PCDH15: variants seen among roughly 807,000 people sequenced by gnomAD.
The protein encoded by PCDH15 is protocadherin related 15.
A neutral mutation model predicts 178.5 loss-of-function variants in PCDH15; 129 were observed. The observed-to-expected ratio is 0.72, with a 90% confidence interval of 0.63 to 0.84. The LOEUF (loss-of-function observed/expected upper bound fraction) is 0.84, where lower values mean the gene tolerates loss of function less well. Among genes scored for constraint, PCDH15 ranks in the 40% least tolerant of loss-of-function variants. The probability of loss-of-function intolerance (pLI) is 0.00; values close to 1 mark genes in which losing one functional copy is unlikely to be tolerated. For missense variants in PCDH15, 2,230 were observed against 2,099.9 expected (o/e 1.06, Z -1.21); for synonymous variants, 800 against 732.0 (o/e 1.09, Z -1.50).
chr10:53,821,427 A>C (rs957413629), intron 32 of PCDH15: 11 of 1,004,732 alleles, frequency 1.1e-5, no homozygotes, highest in Non-Finnish European at 1.3e-5. Flanking sequence ...AGAACCTATC[A>C]ATCATATCAG....
At chr10:53,924,509 C>A (rs1247588630) in intron 25 of PCDH15, among the ~76,000 whole-genome samples, 1 of 127,360 alleles carries the variant, frequency 7.9e-6, no homozygotes, top group African/African-American at 2.8e-5. Flanking sequence ...ACGAGCACCA[C>A]CCCCTGCTCT....
Position 55,314,197 on chromosome 10 carries a change from G to GTATATATA in PCDH15, c.-156+5401_-156+5402insTATATATA, listed in dbSNP as rs1025773854. On this transcript the variant is annotated intron_variant, in intron 1 of 5. Transcript: ENST00000458638. ...TTATATATACATTATATATGTTTGT[G>GTATATATA]TGTATATATATATATATATATATGT... is the stretch of plus-strand genomic sequence containing the variant. Among the ~76,000 whole-genome samples the GTATATATA allele has an allele frequency of 9.7e-4, 116 of 119,756 alleles. 1 individual carries two copies. The highest frequency in any genetic ancestry group is 4.3e-3 in the African/African-American group (108 of 24,890). 78.6% of individuals were successfully genotyped at this position (119,756 alleles called of 152,430 possible).
intron 36 of PCDH15, 21 bp from the exon 37 acceptor site, chr10:53,810,685 T>C (rs1420279017): frequency 6.3e-7 from 1 of 1,584,820 alleles, no homozygotes. Flanking sequence ...AACTTACATC[T>C]TTAAACAGTT....
intron 1 of PCDH15, among the ~76,000 whole-genome samples, chr10:55,269,894 T>A (rs1842396569): frequency 6.6e-6 from 1 of 152,038 alleles, no homozygotes; most frequent in African/African-American, 2.4e-5. Flanking sequence ...TATAAGGCTA[T>A]AGTAACCAAA....
chr10:55,018,415 C>T (rs946896500), intron 2 of PCDH15, among the ~76,000 whole-genome samples: 1 of 151,992 alleles, frequency 6.6e-6, no homozygotes, highest in African/African-American at 2.4e-5. Flanking sequence ...TTTTTAATAC[C>T]TAATACAATG....
At chr10:53,843,844 T>C (rs2077809740) in intron 28 of PCDH15, among the ~76,000 whole-genome samples, 1 of 152,226 alleles carries the variant, frequency 6.6e-6, no homozygotes, top group African/African-American at 2.4e-5. Context: ...CAACAGATGT[T>C]TATTCAATGC....
rs1476012941 is a variant in PCDH15, at chr10:54,426,273, C to T, written c.158-47331G>A. Among the ~76,000 whole-genome samples, 9 of 152,030 alleles carry T rather than the reference C, an allele frequency of 5.9e-5. No homozygotes were observed. In the East Asian group the frequency reaches 1.2e-3, roughly 20 times the overall value. On this transcript the variant is annotated intron_variant, in intron 3 of 37. Coordinates refer to ENST00000644397, the MANE Select transcript of PCDH15 (RefSeq NM_001384140.1). ...TCTTTGGTACCAGGGATTCATTTTGCGGAATATAATATTTTCATGGACAGG... is the reference window on the plus strand; with the variant it reads ...TCTTTGGTACCAGGGATTCATTTTGTGGAATATAATATTTTCATGGACAGG...
chr10:54,125,199 G>A (rs1054224760), intron 15 of PCDH15, among the ~76,000 whole-genome samples: 5 of 151,700 alleles, frequency 3.3e-5, no homozygotes, highest in African/African-American at 1.2e-4. Flanking sequence ...TCAACTTCTT[G>A]GTCTGTTTCT....
At chr10:54,036,501 T>A (rs913878192) in intron 18 of PCDH15, among the ~76,000 whole-genome samples, 2 of 151,730 alleles carry the variant, frequency 1.3e-5, no homozygotes, top group Admixed American at 1.3e-4. Context: ...AATAAAAGCA[T>A]ATATTTATGG....
At chr10:54,240,626 CT>C (rs1228784141) in intron 8 of PCDH15, among the ~76,000 whole-genome samples, 1,674 of 79,656 alleles carry the variant, frequency 0.021, 56 homozygotes, top group African/African-American at 0.07. Context: ...TTTTCTTTTG[CT>C]TTTTTTTTTT....
chr10:54,702,081 C>A (rs1241532334), intron 1 of PCDH15, among the ~76,000 whole-genome samples: 1 of 151,840 alleles, frequency 6.6e-6, no homozygotes, highest in Admixed American at 6.6e-5. Flanking sequence ...GCATATGCAA[C>A]AAAATTGAAA....
chr10:54,427,633 G>A lies in PCDH15; in HGVS notation c.158-48691C>T, dbSNP rs374449155. On this transcript the variant is annotated intron_variant, in intron 3 of 37. Coordinates refer to ENST00000644397, the MANE Select transcript of PCDH15 (RefSeq NM_001384140.1). ...ATTAAGTATTTTATGCAAATACAGTGTAGGGTCATTTAAAATATTTTTTGT... is the reference window on the plus strand; with the variant it reads ...ATTAAGTATTTTATGCAAATACAGTATAGGGTCATTTAAAATATTTTTTGT... Among the ~76,000 whole-genome samples, 62 of 152,166 alleles carry A rather than the reference G, an allele frequency of 4.1e-4. 1 individual carries two copies. The highest frequency in any genetic ancestry group is 1.3e-3 in the African/African-American group (52 of 41,532).
intron 2 of PCDH15, among the ~76,000 whole-genome samples, chr10:55,128,083 A>G (rs894919260): frequency 6.6e-6 from 1 of 151,790 alleles, no homozygotes; most frequent in Admixed American, 6.6e-5. Flanking sequence ...CTGGATTCCT[A>G]ACTGCTTCCA....
intron 3 of PCDH15, among the ~76,000 whole-genome samples, chr10:54,416,902 T>C (rs1954499889): frequency 6.6e-6 from 1 of 152,204 alleles, no homozygotes; most frequent in South Asian, 2.1e-4. Flanking sequence ...TTCATGTTTG[T>C]TGGCCATGTA....
chr10:54,654,624 A>G (rs2094335652), intron 2 of PCDH15, among the ~76,000 whole-genome samples: 2 of 152,212 alleles, frequency 1.3e-5, no homozygotes, highest in Admixed American at 1.3e-4. Context: ...ATTTGACAGA[A>G]CATCTAACTA....
chr10:55,460,992 A>C lies in PCDH15; in HGVS notation c.-156+166633T>G, dbSNP rs975370663. Among the ~76,000 whole-genome samples, 3 of 152,026 alleles carry C rather than the reference A, an allele frequency of 2.0e-5. No individual in the cohort carries two copies. In the East Asian group the frequency reaches 5.8e-4, roughly 29 times the overall value. Reference sequence around the variant, plus strand: ...TGTTCTGTGTATTCTACCCCAAACCACCTGAATCTGAAGGTTTCCAGTGTG... The same window carrying C: ...TGTTCTGTGTATTCTACCCCAAACCCCCTGAATCTGAAGGTTTCCAGTGTG... On this transcript the variant is annotated intron_variant, in intron 2 of 5. Transcript: ENST00000613346.
At chr10:55,362,920 G>T (rs976161841) in intron 2 of PCDH15, among the ~76,000 whole-genome samples, 1 of 151,988 alleles carries the variant, frequency 6.6e-6, no homozygotes, top group African/African-American at 2.4e-5. Flanking sequence ...ATTGTCTTGG[G>T]CCACACATAA....
At chr10:54,966,244 T>TA (rs571859653) in intron 2 of PCDH15, among the ~76,000 whole-genome samples, 11 of 151,928 alleles carry the variant, frequency 7.2e-5, no homozygotes, top group African/African-American at 9.6e-5. Flanking sequence ...AGCAGCAAGG[T>TA]AAAAAAAATC....
intron 3 of PCDH15, among the ~76,000 whole-genome samples, chr10:54,421,496 T>A (rs1210111558): frequency 7.1e-6 from 1 of 140,786 alleles, no homozygotes; most frequent in Admixed American, 7.4e-5. Context: ...TTTATTTATG[T>A]ATATTATAAA....
Sources: gnomAD v4.1 joint callset for allele counts (sites outside exome capture counted in the v4.1 genomes callset) on GRCh38, gnomAD v4.1.1 for gene constraint, MANE v1.5 for transcripts, NCBI Gene and HGNC (gene_info 2026-07-23, HGNC 2026-07-21) for gene names.